The following EXOC6 variants were observed in gnomAD, a reference collection of about 807,000 sequenced individuals.
The protein encoded by EXOC6 is exocyst complex component 6, also known as SEC15-like 1.
A neutral mutation model predicts 112.5 loss-of-function variants in EXOC6; 60 were observed. The ratio of observed to expected loss-of-function variants is 0.53; its 90% CI spans 0.43 to 0.66. The LOEUF (loss-of-function observed/expected upper bound fraction) is 0.66. Ranked by LOEUF, EXOC6 falls within the 30% of genes least tolerant of loss-of-function variation. EXOC6 has a pLI of 0.00. For missense variants in EXOC6, 855 were observed against 957.1 expected, an observed-to-expected ratio of 0.89 and a Z score of 1.41; for synonymous variants, 295 against 308.0, an observed-to-expected ratio of 0.96 and a Z score of 0.44.
chr10:93,045,033 C>T (rs368978092), intron 20 of EXOC6, among the ~76,000 whole-genome samples: 95 of 148,428 alleles, frequency 6.4e-4, no homozygotes, highest in African/African-American at 2.2e-3. Flanking sequence ...CCACCACGCC[C>T]GGCTAATTAT....
chr10:92,975,373 C>T (rs1253945595), intron 18 of EXOC6, among the ~76,000 whole-genome samples: 1 of 151,088 alleles, frequency 6.6e-6, no homozygotes, highest in Non-Finnish European at 1.5e-5. Context: ...CGCCCGGCAG[C>T]CGCCCCGTCT....
intron 5 of EXOC6, among the ~76,000 whole-genome samples, chr10:92,905,953 G>A (rs1355507492): frequency 2.6e-5 from 4 of 152,090 alleles, no homozygotes; most frequent in African/African-American, 9.7e-5. Context: ...GTCTGCACTT[G>A]TAATAGTGTA....
chr10:93,058,303 C>G lies in EXOC6; in HGVS notation c.2363C>G (p.Thr788Arg). The change falls in exon 22 of 22, where the codon ACA (threonine) becomes AGA (arginine). Residue 788 changes from threonine to arginine, a missense_variant. Physicochemically the swap from Thr to Arg is moderately conservative, Grantham distance 71 (BLOSUM62 -1). Transcript: ENST00000260762. ...NDRDKQKLIE[T>R]VVKQLRSLVN... ...CGAGACAAACAGAAGTTGATAGAGA[C>G]AGTCGTGAAACAGCTGAGAAGTTTG... is the stretch of plus-strand genomic sequence containing the variant. 6.2e-7 allele frequency: 1 copy of G among 1,611,748 alleles called. No individual in the cohort carries two copies. Among genetic ancestry groups the G allele is most frequent in the Non-Finnish European group, 8.5e-7 (1 of 1,179,514 alleles).
chr10:92,848,674 C>T (rs1183439734), intron 1 of EXOC6, 40 bp downstream of exon 1: 2 of 1,298,444 alleles, frequency 1.5e-6, no homozygotes, highest in Middle Eastern at 2.1e-4. Flanking sequence ...CCCCCCGCCC[C>T]ACGCCGGCCG....
At chr10:93,030,965 A>G (rs534928449) in intron 20 of EXOC6, among the ~76,000 whole-genome samples, 12 of 152,318 alleles carry the variant, frequency 7.9e-5, no homozygotes, top group African/African-American at 2.6e-4. Flanking sequence ...CAGGAAGAAA[A>G]CAGTATTACT....
chr10:92,876,494 C>T (rs1046308358), intron 1 of EXOC6, among the ~76,000 whole-genome samples: 23 of 152,330 alleles, frequency 1.5e-4, no homozygotes, highest in Admixed American at 1.3e-4. Context: ...CCAGAGCCTA[C>T]ACTTTTAATC....
At chr10:92,911,772 C>A (rs1053967381) in intron 6 of EXOC6, among the ~76,000 whole-genome samples, 1 of 152,120 alleles carries the variant, frequency 6.6e-6, no homozygotes. Context: ...TTGGAAATAA[C>A]TTCCACAGAG....
rs115512027 is a variant in EXOC6, at chr10:92,979,580, G to A, written c.1953+5348G>A. Among the ~76,000 whole-genome samples the A allele has an allele frequency of 3.3e-3, 497 of 152,200 alleles. 2 individuals carry two copies. Among genetic ancestry groups the A allele is most frequent in the African/African-American group, 0.011 (476 of 41,542 alleles). ...AGGATTTGGAAAACCACAATAACCCGAATAATGTTCGCTTTAAATACCTCT... is the reference window on the plus strand; with the variant it reads ...AGGATTTGGAAAACCACAATAACCCAAATAATGTTCGCTTTAAATACCTCT... On this transcript the variant is annotated intron_variant, in intron 18 of 21. Coordinates refer to ENST00000260762, the MANE Select transcript of EXOC6 (RefSeq NM_019053.6).
intron 20 of EXOC6, among the ~76,000 whole-genome samples, chr10:93,030,265 A>G (rs1362079748): frequency 6.8e-6 from 1 of 147,982 alleles, no homozygotes; most frequent in Non-Finnish European, 1.5e-5. Flanking sequence ...CTAGTCGCAG[A>G]CTCCTGAGCT....
rs1421767785 is a variant in EXOC6 at position 92,896,179 on chromosome 10, ATATTTTTTTTTTTTTTTTT to A, written c.412+1161_412+1179del. Among the ~76,000 whole-genome samples, 43 of 13,076 alleles carry A rather than the reference ATATTTTTTTTTTTTTTTTT, an allele frequency of 3.3e-3. 2 individuals carry two copies. Among genetic ancestry groups the A allele is most frequent in the South Asian group, 0.017 (4 of 238 alleles). 8.6% of individuals were successfully genotyped at this position (13,076 alleles called of 152,430 possible). A position where few individuals can be genotyped will look rare whatever the true frequency, so the allele number is the denominator to read the frequency against. Reference sequence around the variant, plus strand: ...TATATATATATATATATATATATATATATTTTTTTTTTTTTTTTTTTTTTTTTTTTTTTTTTTTGGCGGA... The same window carrying A: ...TATATATATATATATATATATATATATTTTTTTTTTTTTTTTTTTGGCGGA... On this transcript the variant is annotated intron_variant, in intron 4 of 21. Transcript: ENST00000260762.
chr10:92,976,070 C>T (rs1349803260), intron 18 of EXOC6, among the ~76,000 whole-genome samples: 5 of 147,330 alleles, frequency 3.4e-5, no homozygotes, highest in Non-Finnish European at 6.0e-5. Context: ...GCCCCCCGCC[C>T]GGCCAGCCGC....
intron 20 of EXOC6, among the ~76,000 whole-genome samples, chr10:93,040,070 C>CGAG (rs1845689792): frequency 6.6e-6 from 1 of 152,190 alleles, no homozygotes; most frequent in Non-Finnish European, 1.5e-5. Flanking sequence ...CACCATCAAC[C>CGAG]TCTCACTGTT....
rs1852619826 is a variant in EXOC6, at chr10:92,940,743, T to C, written c.1229T>C (p.Val410Ala). The change falls in exon 13 of 22, where the codon GTG becomes GCG. Residue 410 changes from valine (V) to alanine (A), a missense_variant. Val to Ala is a moderately conservative substitution (Grantham distance 64). This residue lies in a region of EXOC6 where 450 missense variants were observed against 563.5 expected (regional missense o/e 0.80). Coordinates refer to ENST00000260762, the MANE Select transcript of EXOC6 (RefSeq NM_019053.6). ...GTATTTTAGGGTTATGGTTTTCCAG[T>C]GAACCGACTTTTTGACCTTTTATTT... ...ADTLQGYGFPVNRLFDLLFEI... is the reference protein window; with the variant it reads ...ADTLQGYGFPANRLFDLLFEI... The C allele has an allele frequency of 6.2e-7, 1 of 1,606,586 alleles. No individual in the cohort carries two copies. The highest frequency in any genetic ancestry group is 1.1e-5 in the South Asian group (1 of 89,688).
At chr10:92,866,636 T>C (rs1848186712) in intron 1 of EXOC6, among the ~76,000 whole-genome samples, 1 of 151,996 alleles carries the variant, frequency 6.6e-6, no homozygotes, top group Non-Finnish European at 1.5e-5. Context: ...TTCATCATCT[T>C]AAATATTATG....
chr10:92,977,684 CACACACACAT>C (rs1367299149), intron 18 of EXOC6, among the ~76,000 whole-genome samples: 1 of 151,966 alleles, frequency 6.6e-6, no homozygotes, highest in Non-Finnish European at 1.5e-5. Context: ...CAGACACACA[CACACACACAT>C]ACACACACAC....
intron 1 of EXOC6, among the ~76,000 whole-genome samples, chr10:92,840,691 T>G (rs1168048364): frequency 6.7e-6 from 1 of 148,958 alleles, no homozygotes; most frequent in Non-Finnish European, 1.5e-5. Context: ...TGAGACAGGG[T>G]CTGTCTCTTG....
intron 1 of EXOC6, among the ~76,000 whole-genome samples, chr10:92,884,523 G>A (rs1849118748): frequency 6.6e-6 from 1 of 152,136 alleles, no homozygotes; most frequent in South Asian, 2.1e-4. Context: ...TATTCTGTTA[G>A]TGAACAAAGC....
chr10:92,844,595 T>C (rs748418999), upstream of EXOC6, among the ~76,000 whole-genome samples: 16 of 152,160 alleles, frequency 1.1e-4, no homozygotes, highest in Non-Finnish European at 2.4e-4. Context: ...TTTTTTTTAA[T>C]GATTAGGAAA....
chr10:92,956,262 T>C (rs1343005109), intron 17 of EXOC6, among the ~76,000 whole-genome samples: 1 of 152,078 alleles, frequency 6.6e-6, no homozygotes, highest in Non-Finnish European at 1.5e-5. Context: ...ATTTTATTAT[T>C]TGGAGTCATA....
Sources: allele counts gnomAD v4.1 joint callset (sites outside exome capture counted in the v4.1 genomes callset), GRCh38; gene constraint gnomAD v4.1.1; regional missense constraint gnomAD v4.1.1; transcripts MANE v1.5; gene names NCBI Gene and HGNC (gene_info 2026-07-23, HGNC 2026-07-21).